KDM4C: variants seen among roughly 807,000 people sequenced by gnomAD.
The protein encoded by KDM4C is lysine demethylase 4C, also known as lysine-specific demethylase 4C.
Under a neutral mutation model 129.3 loss-of-function variants are expected in KDM4C, and 81 were observed. The observed-to-expected ratio is 0.63, with a 90% confidence interval of 0.52 to 0.75. The LOEUF is 0.75. KDM4C is among the 30% of genes least tolerant of loss of function. KDM4C has a pLI of 0.00. For synonymous variants in KDM4C, 573 were observed against 456.1 expected (o/e 1.26, Z -3.26); for missense variants, 1,457 against 1,304.0 (o/e 1.12, Z -1.81).
intron 19 of KDM4C, among the ~76,000 whole-genome samples, chr9:7,164,784 G>T (rs1385359015): frequency 2.0e-5 from 3 of 152,146 alleles, no homozygotes; most frequent in African/African-American, 4.8e-5. Context: ...CAGTTTCCTT[G>T]TCAGTAAAAT....
At chr9:6,917,035 TTTG>T (rs761771439) in intron 8 of KDM4C, among the ~76,000 whole-genome samples, 15 of 152,188 alleles carry the variant, frequency 9.9e-5, no homozygotes, top group Non-Finnish European at 2.1e-4. Flanking sequence ...TTCTGTTTTT[TTTG>T]TTGTTGTTGT....
intron 5 of KDM4C, among the ~76,000 whole-genome samples, chr9:6,866,108 C>G (rs982898065): frequency 6.6e-6 from 1 of 151,468 alleles, no homozygotes; most frequent in Non-Finnish European, 1.5e-5. Context: ...TGGTCTCGGA[C>G]TCCTGACCTC....
intron 8 of KDM4C, among the ~76,000 whole-genome samples, chr9:6,904,102 G>A (rs969372025): frequency 6.6e-6 from 1 of 152,070 alleles, no homozygotes; most frequent in African/African-American, 2.4e-5. Context: ...TAGCTGGCAT[G>A]GTGGTGGGTA....
At chr9:7,096,730 G>A (rs902893744) in intron 17 of KDM4C, among the ~76,000 whole-genome samples, 4 of 151,464 alleles carry the variant, frequency 2.6e-5, no homozygotes, top group Non-Finnish European at 5.9e-5. Flanking sequence ...ACAAAGAGAT[G>A]TGCCTGACCA....
Position 6,919,604 on chromosome 9 carries a change from T to G in KDM4C, c.921+26372T>G, listed in dbSNP as rs999984223. The stretch of plus-strand genomic sequence containing the variant: ...CTATCTATCTATCTAGGATGGAGTT[T>G]CACTCTTGTTGCCCAGGCTGGAGTG... On this transcript the variant is annotated intron_variant, in intron 8 of 21. Transcript: ENST00000381309. 2.0e-5 allele frequency among the ~76,000 whole-genome samples: 3 copies of G among 150,760 alleles called. No homozygotes were observed. The Admixed American group carries it at 2.0e-4, about 10-fold the overall frequency.
chr9:7,084,987 G>T (rs1285045062), intron 17 of KDM4C, among the ~76,000 whole-genome samples: 2 of 152,222 alleles, frequency 1.3e-5, no homozygotes, highest in Non-Finnish European at 2.9e-5. Context: ...AAGAGTGGAT[G>T]GCTCTGAAGG....
intron 4 of KDM4C, among the ~76,000 whole-genome samples, chr9:6,825,641 G>A (rs1170131220): frequency 6.6e-6 from 1 of 152,176 alleles, no homozygotes; most frequent in East Asian, 1.9e-4. Context: ...GTGAACTCAT[G>A]TCTCTGCATC....
At chr9:7,041,674 G>A (rs534529398) in intron 15 of KDM4C, among the ~76,000 whole-genome samples, 25 of 151,880 alleles carry the variant, frequency 1.6e-4, no homozygotes, top group Non-Finnish European at 3.4e-4. Flanking sequence ...TCCTACAGTG[G>A]GGTGAAGTCA....
chr9:7,021,002 ACCATCCT>A (rs1236780646), intron 15 of KDM4C, among the ~76,000 whole-genome samples: 1 of 150,932 alleles, frequency 6.6e-6, no homozygotes, highest in Non-Finnish European at 1.5e-5. Context: ...GCCTCTGGTA[ACCATCCT>A]CCTAGTCTCT....
At chr9:7,052,881 G>GAA (rs1346797082) in intron 17 of KDM4C, among the ~76,000 whole-genome samples, 1 of 15,828 alleles carries the variant, frequency 6.3e-5, no homozygotes, top group East Asian at 1.6e-3. Flanking sequence ...GAGAGAGAGA[G>GAA]AGAGAGAGAG....
At chr9:6,980,094 C>T (rs897686988) in intron 8 of KDM4C, among the ~76,000 whole-genome samples, 7 of 152,008 alleles carry the variant, frequency 4.6e-5, no homozygotes, top group Non-Finnish European at 8.8e-5. Flanking sequence ...AGTCTGTTAC[C>T]GGGTATGTTA....
intron 1 of KDM4C, among the ~76,000 whole-genome samples, chr9:6,766,355 A>T (rs781708831): frequency 7.2e-5 from 11 of 152,152 alleles, no homozygotes; most frequent in African/African-American, 2.7e-4. Context: ...TATGTATGAT[A>T]ATCGTACAAA....
chr9:6,769,180 C>T (rs1436506864), intron 1 of KDM4C, among the ~76,000 whole-genome samples: 2 of 151,384 alleles, frequency 1.3e-5, no homozygotes, highest in Admixed American at 6.6e-5. Flanking sequence ...TTTTAGGCTT[C>T]TTAAGAAAGG....
At chr9:6,775,487 A>G (rs951337813) in intron 1 of KDM4C, among the ~76,000 whole-genome samples, 8 of 151,830 alleles carry the variant, frequency 5.3e-5, no homozygotes, top group Non-Finnish European at 7.4e-5. Context: ...GTACATGTCT[A>G]TTGTTGAACT....
intron 19 of KDM4C, among the ~76,000 whole-genome samples, chr9:7,146,347 TA>T (rs1327730797): frequency 6.6e-6 from 1 of 152,168 alleles, no homozygotes; most frequent in Non-Finnish European, 1.5e-5. Flanking sequence ...AAAGTTTTTT[TA>T]AAAAAGATCT....
At chr9:7,070,061 AGGG>A (rs1440782026) in intron 17 of KDM4C, among the ~76,000 whole-genome samples, 2 of 152,218 alleles carry the variant, frequency 1.3e-5, no homozygotes, top group Non-Finnish European at 2.9e-5. Context: ...CAGGGGGAAA[AGGG>A]AACAACAAAC....
intron 5 of KDM4C, among the ~76,000 whole-genome samples, chr9:6,863,669 G>T (rs1033832586): frequency 6.6e-6 from 1 of 151,730 alleles, no homozygotes; most frequent in African/African-American, 2.4e-5. Flanking sequence ...GGTGGCGGGC[G>T]CCTGTAGTTC....
At chr9:7,093,196 C>G (rs886162212) in intron 17 of KDM4C, among the ~76,000 whole-genome samples, 27 of 152,014 alleles carry the variant, frequency 1.8e-4, no homozygotes, top group Admixed American at 1.7e-3. Flanking sequence ...GTGGCCACCC[C>G]TCTTTTGAGG....
intron 1 of KDM4C, among the ~76,000 whole-genome samples, chr9:6,788,606 C>T (rs1463781470): frequency 6.6e-6 from 1 of 152,244 alleles, no homozygotes; most frequent in Non-Finnish European, 1.5e-5. Context: ...TTGGCACTTA[C>T]TCCTTCATTC....
Sources: gnomAD v4.1 joint callset for allele counts (sites outside exome capture counted in the v4.1 genomes callset) on GRCh38, gnomAD v4.1.1 for gene constraint, MANE v1.5 for transcripts, NCBI Gene and HGNC (gene_info 2026-07-23, HGNC 2026-07-21) for gene names.